The following CPEB3 variants were observed in gnomAD, a reference collection of about 807,000 sequenced individuals.
CPEB3 encodes cytoplasmic polyadenylation element-binding protein 3.
A neutral mutation model predicts 67.2 loss-of-function variants in CPEB3; 20 were observed. The observed-to-expected ratio is 0.30, with a 90% confidence interval of 0.21 to 0.43. CPEB3 has a LOEUF of 0.43. Ranked by LOEUF, CPEB3 falls within the 20% of genes least tolerant of loss-of-function variation. CPEB3 has a pLI of 1.00. For missense variants in CPEB3, 746 were observed against 968.6 expected (o/e 0.77, Z 3.05); for synonymous variants, 376 against 393.1 (o/e 0.96, Z 0.51).
At chr10:92,164,480 G>T (rs1386313008) in intron 4 of CPEB3, among the ~76,000 whole-genome samples, 5 of 152,000 alleles carry the variant, frequency 3.3e-5, no homozygotes, top group Non-Finnish European at 7.4e-5. Flanking sequence ...CTAACTCATG[G>T]TTCCTGGCAA....
chr10:92,217,042 A>AC (rs1333733019), intron 2 of CPEB3, among the ~76,000 whole-genome samples: 1 of 147,474 alleles, frequency 6.8e-6, no homozygotes, highest in Admixed American at 6.8e-5. Context: ...CTAAGACTAA[A>AC]AAAAAAAAAA....
At chr10:92,205,025 A>C (rs573275896) in intron 2 of CPEB3, among the ~76,000 whole-genome samples, 22 of 152,134 alleles carry the variant, frequency 1.4e-4, no homozygotes, top group African/African-American at 5.3e-4. Context: ...TTTTTAGTAG[A>C]GATGGGGTTT....
At chr10:92,158,994 G>A (rs1014588479) in intron 4 of CPEB3, among the ~76,000 whole-genome samples, 4 of 152,232 alleles carry the variant, frequency 2.6e-5, no homozygotes, top group African/African-American at 7.2e-5. Context: ...GGGTGTGGTG[G>A]CTCACACCTG....
chr10:92,214,912 A>G lies in CPEB3; in HGVS notation c.1006-22276T>C, dbSNP rs138490315. ...CACCCAGCTGGAGTGCAGTGGTGCAATCTTGGCTCACTGCAGCCTCTGCTT... is the reference window on the plus strand; with the variant it reads ...CACCCAGCTGGAGTGCAGTGGTGCAGTCTTGGCTCACTGCAGCCTCTGCTT... On this transcript the variant is annotated intron_variant, in intron 2 of 9. Coordinates refer to ENST00000265997, the MANE Select transcript of CPEB3 (RefSeq NM_014912.5). Among the ~76,000 whole-genome samples, 631 of 152,088 alleles carry G rather than the reference A, an allele frequency of 4.1e-3. 3 individuals are homozygous for G. The highest frequency in any genetic ancestry group is 6.8e-3 in the Middle Eastern group (2 of 294).
intron 4 of CPEB3, among the ~76,000 whole-genome samples, chr10:92,177,162 T>A (rs1281796878): frequency 6.6e-6 from 1 of 152,192 alleles, no homozygotes; most frequent in East Asian, 1.9e-4. Context: ...CTAGAAGAAC[T>A]CTTAGCAGCC....
At chr10:92,111,456 G>A (rs1429983692) in intron 6 of CPEB3, among the ~76,000 whole-genome samples, 1 of 152,164 alleles carries the variant, frequency 6.6e-6, no homozygotes, top group Admixed American at 6.5e-5. Flanking sequence ...TCCTTAATGA[G>A]GGCAAGTGGA....
chr10:92,227,560 T>C (rs1590450013), intron 2 of CPEB3, among the ~76,000 whole-genome samples: 2 of 152,122 alleles, frequency 1.3e-5, no homozygotes, highest in Admixed American at 1.3e-4. Context: ...ATTCTACTAC[T>C]GGTTACAACA....
chr10:92,182,244 A>G (rs1264127482), intron 3 of CPEB3, among the ~76,000 whole-genome samples: 1 of 152,246 alleles, frequency 6.6e-6, no homozygotes, highest in African/African-American at 2.4e-5. Context: ...AGATAAGGTT[A>G]AAATGATTGA....
chr10:92,289,207 A>AAGATAG (rs1842679532), intron 1 of CPEB3, among the ~76,000 whole-genome samples: 1 of 152,098 alleles, frequency 6.6e-6, no homozygotes, highest in Non-Finnish European at 1.5e-5. Context: ...GTGCCACTGC[A>AAGATAG]CTCCATCCTG....
chr10:92,118,659 C>A, intron 6 of CPEB3: 1 of 640,186 alleles, frequency 1.6e-6, no homozygotes, highest in Non-Finnish European at 2.9e-6. Context: ...CCCAAGATGG[C>A]TGCACTCTTG....
At position 92,251,438 on chromosome 10, in the gene CPEB3, G is replaced by C. The variant is rs116097945; in HGVS notation, c.-11-11077C>G. Among the ~76,000 whole-genome samples the C allele has an allele frequency of 5.7e-3, 865 of 151,364 alleles. 13 individuals carry two copies. Among genetic ancestry groups the C allele is most frequent in the African/African-American group, 0.02 (828 of 41,154 alleles). On this transcript the variant is annotated intron_variant, in intron 1 of 9. Coordinates refer to ENST00000265997, the MANE Select transcript of CPEB3 (RefSeq NM_014912.5). ...TTTGCTAACTGACTTTAAATACTGA[G>C]ATTTAAAGTTATTGGAACAGGATAA...
chr10:92,289,125 C>T (rs1842672491), intron 1 of CPEB3, among the ~76,000 whole-genome samples: 1 of 152,024 alleles, frequency 6.6e-6, no homozygotes, highest in South Asian at 2.1e-4. Flanking sequence ...AGCCTGTAAT[C>T]CCAGCTACTC....
intron 6 of CPEB3, among the ~76,000 whole-genome samples, chr10:92,141,641 AAAT>A (rs890004720): frequency 2.5e-4 from 38 of 151,656 alleles, no homozygotes; most frequent in South Asian, 1.7e-3. Flanking sequence ...TAATAATAAA[AAAT>A]AATAATAATA....
At chr10:92,178,040 T>C (rs1033372912) in intron 4 of CPEB3, among the ~76,000 whole-genome samples, 7 of 152,204 alleles carry the variant, frequency 4.6e-5, no homozygotes, top group African/African-American at 1.7e-4. Flanking sequence ...CAATTTGCTA[T>C]AATTTTCTTA....
intron 8 of CPEB3, among the ~76,000 whole-genome samples, chr10:92,084,924 T>G (rs1843312799): frequency 6.6e-6 from 1 of 152,150 alleles, no homozygotes; most frequent in East Asian, 1.9e-4. Flanking sequence ...TGACCACCCT[T>G]GAAGGGAAGT....
chr10:92,201,839 G>T (rs1849541305), intron 2 of CPEB3, among the ~76,000 whole-genome samples: 1 of 151,996 alleles, frequency 6.6e-6, no homozygotes, highest in African/African-American at 2.4e-5. Flanking sequence ...ACTGATTCTA[G>T]GTAATTAGAA....
chr10:92,275,613 T>A (rs796086902), intron 1 of CPEB3, among the ~76,000 whole-genome samples: 3 of 152,254 alleles, frequency 2.0e-5, no homozygotes, highest in African/African-American at 7.2e-5. Flanking sequence ...CAACAATCAC[T>A]ATAATCAATT....
chr10:92,183,754 T>C (rs1278497283), intron 3 of CPEB3, among the ~76,000 whole-genome samples: 1 of 152,072 alleles, frequency 6.6e-6, no homozygotes, highest in Non-Finnish European at 1.5e-5. Flanking sequence ...TAGAGGAGGG[T>C]GTGCTATCTA....
chr10:92,144,724 C>T (rs1304122222), intron 5 of CPEB3, among the ~76,000 whole-genome samples: 1 of 152,044 alleles, frequency 6.6e-6, no homozygotes, highest in Non-Finnish European at 1.5e-5. Context: ...AATGGAGATG[C>T]TAGGATATCC....
Sources: gnomAD v4.1 joint callset for allele counts (sites outside exome capture counted in the v4.1 genomes callset) on GRCh38, gnomAD v4.1.1 for gene constraint, MANE v1.5 for transcripts, NCBI Gene and HGNC (gene_info 2026-07-23, HGNC 2026-07-21) for gene names.